The following ZNF581 variants were observed in gnomAD, a reference collection of about 807,000 sequenced individuals.
The protein encoded by ZNF581 is zinc finger protein 581.
In ZNF581, 1 loss-of-function variant was observed where a neutral mutation model predicts 1.2. The ratio of observed to expected loss-of-function variants is 0.83; its 90% CI spans 0.30 to 3.95. ZNF581 has a LOEUF of 3.95. ZNF581 is among the 30% of genes most tolerant of loss of function. The pLI is 0.18. For missense variants in ZNF581, 273 were observed against 274.6 expected (o/e 0.99, Z 0.04); for synonymous variants, 105 against 109.2 (o/e 0.96, Z 0.24).
chr19:55,635,632 A>T, exon 1 of ZNF581: 1 of 983,004 alleles, frequency 1.0e-6, no homozygotes, highest in South Asian at 4.7e-5. Flanking sequence ...GTTTGGGGAC[A>T]TGAGTAATCA....
rs1173375740 is a variant in ZNF581 at position 55,644,466 on chromosome 19, C to T, written c.-19-87C>T. ...GCAGCAGGATGCAGAGGTCCTGGGC[C>T]GGGTATAGGGAGGGAAAAGGATGGA... On this transcript the variant is annotated intron_variant, in intron 1 of 1. Transcript: ENST00000270451. The surrounding 1 kb of genome is among the most constrained non-coding windows in gnomAD (Gnocchi z 4.3). 11 of 835,278 alleles carry T rather than the reference C, an allele frequency of 1.3e-5. No homozygotes were observed. Among genetic ancestry groups the T allele is most frequent in the South Asian group, 1.1e-4 (6 of 55,528 alleles). The allele number at this position is 835,278 out of a possible 1,614,324, so 51.7% of individuals were successfully genotyped here.
upstream of ZNF581, chr19:55,642,945 C>T (rs1256795312): frequency 3.5e-6 from 5 of 1,438,426 alleles, no homozygotes; most frequent in African/African-American, 1.5e-5. Flanking sequence ...CGCGCCCGCG[C>T]CGGGCCGCCG....
At position 55,645,269 on chromosome 19, in the gene ZNF581, C is replaced by G. The variant is rs1241897311; in HGVS notation, c.*104C>G. The G allele has an allele frequency of 5.9e-6, 6 of 1,016,560 alleles. No individual in the cohort carries two copies. Among genetic ancestry groups the G allele is most frequent in the Non-Finnish European group, 8.4e-6 (6 of 718,482 alleles). The allele number at this position is 1,016,560 out of a possible 1,614,324, so 63.0% of individuals were successfully genotyped here. On this transcript the variant is annotated 3_prime_UTR_variant, in exon 2 of 2. Coordinates refer to ENST00000270451, the MANE Select transcript of ZNF581 (RefSeq NM_016535.4). ...TGAGGCTGGTGTTCAGGGCCCTGGACACAGACACAGAGCAGCCGCATCTCA... is the reference window on the plus strand; with the variant it reads ...TGAGGCTGGTGTTCAGGGCCCTGGAGACAGACACAGAGCAGCCGCATCTCA...
chr19:55,637,593 A>G (rs942125385), upstream of ZNF581, among the ~76,000 whole-genome samples: 11 of 152,048 alleles, frequency 7.2e-5, no homozygotes, highest in Non-Finnish European at 1.6e-4. Context: ...ATGGAGGCGG[A>G]GGCTGCTGCT....
rs1302792112 is a variant in ZNF581, at chr19:55,635,765, C to CT, written c.-20+56dup. 2.4e-5 allele frequency: 23 copies of CT among 973,884 alleles called. No homozygotes were observed. In the African/African-American group the frequency reaches 3.7e-4, roughly 16 times the overall value. 60.3% of individuals were successfully genotyped at this position (973,884 alleles called of 1,614,324 possible). On this transcript the variant is annotated intron_variant, in intron 1 of 1. Coordinates refer to the ZNF581 transcript ENST00000587252. ...TGGCTGAGGCCAGGTTGTGAGAGGC[C>CT]TTTCATGGCAGGCTGAGGGGGTTAT...
chr19:55,637,119 T>A (rs148898830), upstream of ZNF581, among the ~76,000 whole-genome samples: 280 of 150,864 alleles, frequency 1.9e-3, no homozygotes, highest in African/African-American at 6.5e-3. Context: ...TCTGCCTAAT[T>A]ATTATTATCA....
At chr19:55,639,045 G>T (rs558198791), upstream of ZNF581, among the ~76,000 whole-genome samples, 2 of 151,740 alleles carry the variant, frequency 1.3e-5, no homozygotes, top group South Asian at 4.2e-4. Context: ...AGATTTGGAG[G>T]GGACAGACAT....
rs1000340668 is a variant in ZNF581, at chr19:55,644,460, C to T, written c.-19-93C>T. On this transcript the variant is annotated intron_variant, in intron 1 of 1. Coordinates refer to ENST00000270451, the MANE Select transcript of ZNF581 (RefSeq NM_016535.4). The surrounding 1 kb of genome is among the most constrained non-coding windows in gnomAD (Gnocchi z 4.3). Reference sequence around the variant, plus strand: ...TGAGGGGCAGCAGGATGCAGAGGTCCTGGGCCGGGTATAGGGAGGGAAAAG... The same window carrying T: ...TGAGGGGCAGCAGGATGCAGAGGTCTTGGGCCGGGTATAGGGAGGGAAAAG... 6.0e-5 allele frequency: 48 copies of T among 803,702 alleles called. No individual in the cohort carries two copies. Among genetic ancestry groups the T allele is most frequent in the Non-Finnish European group, 9.6e-6 (5 of 520,178 alleles). The allele number at this position is 803,702 out of a possible 1,614,324, so 49.8% of individuals were successfully genotyped here.
In ZNF581 at chr19:55,644,882, G is replaced by A. The variant is rs1982758554; in HGVS notation, c.311G>A (p.Arg104Gln). ...TTCGAGTACATGTCCTACCTTCAGC[G>A]ACACAGCATCACCCACTCGGAGGTA... ...RVFEYMSYLQ[R>Q]HSITHSEVKP... The change falls in exon 2 of 2, where the codon CGA (arginine) becomes CAA (glutamine). Residue 104 changes from arginine (R) to glutamine (Q), a missense_variant. Physicochemically the swap from Arg to Gln is conservative, Grantham distance 43. Transcript: ENST00000270451. The surrounding 1 kb of genome is among the most constrained non-coding windows in gnomAD (Gnocchi z 4.3). The A allele has an allele frequency of 1.2e-6, 2 of 1,613,784 alleles. No individual in the cohort carries two copies. The highest frequency in any genetic ancestry group is 1.3e-5 in the African/African-American group (1 of 74,944).
At chr19:55,642,542 C>A, upstream of ZNF581, 1 of 1,444,244 alleles carries the variant, frequency 6.9e-7, no homozygotes, top group South Asian at 1.6e-5. Flanking sequence ...ACCCCACCCT[C>A]GGTCCTCCTC....
At chr19:55,642,729 G>A, upstream of ZNF581, 1 of 1,513,212 alleles carries the variant, frequency 6.6e-7, no homozygotes, top group East Asian at 2.6e-5. Flanking sequence ...GAGGAGCCCC[G>A]GGGCCCGCCC....
At chr19:55,643,874 CGGAGGGGGCTGTTCTGGAGCTT>C (rs1982695365) in intron 1 of ZNF581, 100 bp downstream of exon 1, 1 of 151,958 alleles carries the variant, frequency 6.6e-6, no homozygotes, top group African/African-American at 2.4e-5. Flanking sequence ...GGGCAGACGC[CGGAGGGGGCTGTTCTGGAGCTT>C]GGAGGGGGCG....
upstream of ZNF581, chr19:55,643,319 A>C: frequency 1.3e-5 from 5 of 374,286 alleles, no homozygotes; most frequent in African/African-American, 2.1e-5. Flanking sequence ...ACCTCTCTAA[A>C]CCTTGGTTTT....
chr19:55,642,700 A>G, upstream of ZNF581: 3 of 1,486,412 alleles, frequency 2.0e-6, no homozygotes, highest in Admixed American at 2.4e-5. Flanking sequence ...TCCCCTACAC[A>G]TACACGGTGC....
At chr19:55,642,207 A>G (rs1982543558), upstream of ZNF581, 1 of 1,165,368 alleles carries the variant, frequency 8.6e-7, no homozygotes, top group Non-Finnish European at 1.1e-6. Context: ...AAAAGGGAAG[A>G]AAAGTCGGGG....
chr19:55,638,257 T>C (rs1982213840), upstream of ZNF581, among the ~76,000 whole-genome samples: 1 of 151,774 alleles, frequency 6.6e-6, no homozygotes, highest in Non-Finnish European at 1.5e-5. Flanking sequence ...GTTTGTTTGT[T>C]TAGATGGAGT....
At position 55,645,258 on chromosome 19, in the gene ZNF581, AGGGCCCT is replaced by A. The variant is rs1982784391; in HGVS notation, c.*96_*102del. On this transcript the variant is annotated 3_prime_UTR_variant, in exon 2 of 2. Coordinates refer to ENST00000270451, the MANE Select transcript of ZNF581 (RefSeq NM_016535.4). Reference sequence around the variant, plus strand: ...TGGTGAGAGCCTGAGGCTGGTGTTCAGGGCCCTGGACACAGACACAGAGCAGCCGCAT... The same window carrying A: ...TGGTGAGAGCCTGAGGCTGGTGTTCAGGACACAGACACAGAGCAGCCGCAT... 1.7e-6 allele frequency: 2 copies of A among 1,179,474 alleles called. No individual in the cohort carries two copies. Among genetic ancestry groups the A allele is most frequent in the East Asian group, 5.1e-5 (2 of 39,106 alleles). The allele number at this position is 1,179,474 out of a possible 1,614,324, so 73.1% of individuals were successfully genotyped here.
upstream of ZNF581, chr19:55,643,069 A>G: frequency 7.5e-7 from 1 of 1,338,192 alleles, no homozygotes; most frequent in East Asian, 3.1e-5. Flanking sequence ...TCTCAGGGCC[A>G]CCAAGTCTGA....
At chr19:55,641,275 G>A, upstream of ZNF581, 1 of 804,090 alleles carries the variant, frequency 1.2e-6, no homozygotes, top group South Asian at 5.6e-5. Context: ...ACCCGGGATG[G>A]GGGTGGGGGT....
Sources: allele counts gnomAD v4.1 joint callset (sites outside exome capture counted in the v4.1 genomes callset), GRCh38; gene constraint gnomAD v4.1.1; non-coding constraint Gnocchi (gnomAD v3.1); transcripts MANE v1.5; gene names NCBI Gene and HGNC (gene_info 2026-07-23, HGNC 2026-07-21).